Variants in MED16 observed in about 807,000 individuals in gnomAD.
MED16 encodes the protein mediator complex subunit 16.
Under a neutral mutation model 84.4 loss-of-function variants are expected in MED16, and 81 were observed. The observed-to-expected ratio is 0.96, with a 90% CI of 0.80 to 1.15. The LOEUF (loss-of-function observed/expected upper bound fraction) is 1.15. Ranked by LOEUF, MED16 falls within the 50% of genes most tolerant of loss-of-function variation. The pLI, the probability that MED16 is intolerant of heterozygous loss-of-function variation, is 0.00. For missense variants in MED16, 1,585 were observed against 1,245.9 expected, an observed-to-expected ratio of 1.27 and a Z score of -4.10; for synonymous variants, 897 against 552.2, an observed-to-expected ratio of 1.62 and a Z score of -8.76.
At position 877,039 on chromosome 19, in the gene MED16, T is replaced by C. The variant is rs766535778; in HGVS notation, c.1495A>G (p.Met499Val). The C allele has an allele frequency of 6.2e-7, 1 of 1,612,556 alleles. No individual in the cohort carries two copies. Among genetic ancestry groups the C allele is most frequent in the African/African-American group, 1.3e-5 (1 of 75,034 alleles). ...WDILLHVQPSMVQSLVEKLHE... is the reference protein window; with the variant it reads ...WDILLHVQPSVVQSLVEKLHE... The stretch of plus-strand genomic sequence containing the variant: ...AGCTTCTCCACCAGGCTCTGTACCA[T>C]ACTGGGCTGCACGTGCAGCAGGATG... The change falls in exon 9 of 16, where the codon ATG (methionine) becomes GTG (valine). Residue 499 changes from methionine to valine, a missense_variant. Physicochemically the swap from Met to Val is conservative, Grantham distance 21 (BLOSUM62 1). Coordinates refer to ENST00000325464, the MANE Select transcript of MED16 (RefSeq NM_005481.3).
chr19:879,815 A>G (rs2036372571), intron 8 of MED16, 122 bp downstream of exon 8: 2 of 1,167,368 alleles, frequency 1.7e-6, no homozygotes, highest in Non-Finnish European at 2.5e-6. Flanking sequence ...GTCAATCCCC[A>G]CCAGGGCCAG....
intron 2 of MED16, among the ~76,000 whole-genome samples, chr19:890,723 C>T (rs1037788882): frequency 6.6e-6 from 1 of 152,196 alleles, no homozygotes; most frequent in African/African-American, 2.4e-5. Flanking sequence ...ACGCTCCAGC[C>T]CGATTCGATC....
Position 870,433 on chromosome 19 carries a change from T to G in MED16, c.2315+604A>C, listed in dbSNP as rs544375265. On this transcript the variant is annotated intron_variant, in intron 13 of 15. Coordinates refer to ENST00000325464, the MANE Select transcript of MED16 (RefSeq NM_005481.3). The stretch of plus-strand genomic sequence containing the variant: ...AAAAATACCTAGGTGTGGTGGCTCA[T>G]GCCTGTAATCCCAGCTACTGGGAAG... 1.4e-4 allele frequency among the ~76,000 whole-genome samples: 21 copies of G among 152,166 alleles called. 1 individual carries two copies. The South Asian group carries it at 4.4e-3, about 32-fold the overall frequency.
intron 10 of MED16, 64 bp downstream of exon 10, chr19:875,179 AT>A (rs1371692511): frequency 1.2e-5 from 14 of 1,148,198 alleles, no homozygotes; most frequent in East Asian, 5.5e-5. Context: ...AGTAAAAAAA[AT>A]AAATAAAAAT....
chr19:875,930 A>C (rs1274512026), intron 9 of MED16, among the ~76,000 whole-genome samples: 1 of 152,180 alleles, frequency 6.6e-6, no homozygotes, highest in Admixed American at 6.5e-5. Context: ...TGTGCAACGT[A>C]GGACACCCCA....
chr19:880,647 C>T (rs1018995584), intron 7 of MED16, among the ~76,000 whole-genome samples: 12 of 152,214 alleles, frequency 7.9e-5, no homozygotes, highest in Admixed American at 6.5e-4. Context: ...AAGCCGGGCG[C>T]GGTGGCTCAC....
At chr19:873,840 G>A (rs1423117618) in intron 10 of MED16, among the ~76,000 whole-genome samples, 2 of 152,154 alleles carry the variant, frequency 1.3e-5, no homozygotes, top group Non-Finnish European at 2.9e-5. Context: ...GCGTGGGCAG[G>A]TCCCCATGCC....
At chr19:882,612 C>T (rs756603391) in intron 6 of MED16, among the ~76,000 whole-genome samples, 4 of 152,318 alleles carry the variant, frequency 2.6e-5, no homozygotes, top group South Asian at 2.1e-4. Flanking sequence ...CAGCTGGAGC[C>T]GGCCTGCTGG....
rs142533778 is a variant in MED16 at position 882,437 on chromosome 19, T to C, written c.986-723A>G. Among the ~76,000 whole-genome samples, 706 of 152,116 alleles carry C rather than the reference T, an allele frequency of 4.6e-3. 6 individuals are homozygous for C. Among genetic ancestry groups the C allele is most frequent in the African/African-American group, 0.017 (684 of 41,442 alleles). ...AGCTACTCAGGAGGCTGAGGTAGGATTGCTCGAGCCCAGGAAGATGAGGCT... is the reference window on the plus strand; with the variant it reads ...AGCTACTCAGGAGGCTGAGGTAGGACTGCTCGAGCCCAGGAAGATGAGGCT... On this transcript the variant is annotated intron_variant, in intron 6 of 15. Transcript: ENST00000325464.
chr19:875,035 G>C (rs374465962), intron 10 of MED16, among the ~76,000 whole-genome samples: 1 of 151,984 alleles, frequency 6.6e-6, no homozygotes, highest in Admixed American at 6.6e-5. Flanking sequence ...GTGGTGGCAC[G>C]TGCCTGTAAT....
chr19:882,819 T>G (rs928505044), intron 6 of MED16, among the ~76,000 whole-genome samples: 8 of 152,222 alleles, frequency 5.3e-5, no homozygotes, highest in African/African-American at 1.9e-4. Flanking sequence ...ACCCGCATCA[T>G]GAGGTCTCTG....
intron 8 of MED16, among the ~76,000 whole-genome samples, chr19:878,568 A>ACGTGGGGCTGGGGCTGGTGG (rs2036326366): frequency 1.8e-5 from 1 of 55,484 alleles, no homozygotes. Flanking sequence ...CCCCAGCCCC[A>ACGTGGGGCTGGGGCTGGTGG]GCCCCACATG....
rs1225509985 is a variant in MED16 at position 891,132 on chromosome 19, G to A, written c.-1C>T. ...CCGCTGGCCGCCGCAAATCACACAT[G>A]AGGGCAGTCACCAGCTCCTGCGGGA... is the stretch of plus-strand genomic sequence containing the variant. On this transcript the variant is annotated 5_prime_UTR_variant, in exon 2 of 16. Coordinates refer to ENST00000325464, the MANE Select transcript of MED16 (RefSeq NM_005481.3). 2.5e-6 allele frequency: 4 copies of A among 1,611,742 alleles called. No homozygotes were observed. The highest frequency in any genetic ancestry group is 3.4e-6 in the Non-Finnish European group (4 of 1,178,776).
chr19:891,616 CGAGGCGGGGCT>C (rs2145261858), intron 1 of MED16, among the ~76,000 whole-genome samples: 1 of 150,860 alleles, frequency 6.6e-6, no homozygotes, highest in African/African-American at 2.4e-5. Context: ...CACCTGTGGC[CGAGGCGGGGCT>C]GAGTGACAGG....
Position 881,694 on chromosome 19 carries a change from T to C in MED16, c.1006A>G (p.Ile336Val), listed in dbSNP as rs2036425634. The change falls in exon 7 of 16, where the codon ATT becomes GTT. Residue 336 changes from isoleucine (I) to valine (V), a missense_variant. Ile to Val is a conservative substitution (Grantham distance 29). Transcript: ENST00000325464. ...GCCGATAGGATCCGCCATTTGAGAA[T>C]TGTGGGCTGTTTGTCGCCAACTGAA... ...SPVVGDKQPT[I>V]LKWRILSATN... The C allele has an allele frequency of 1.9e-6, 3 of 1,610,490 alleles. No homozygotes were observed. The highest frequency in any genetic ancestry group is 1.3e-5 in the African/African-American group (1 of 74,948).
rs756532217 is a variant in MED16 at position 873,545 on chromosome 19, T to C, written c.1809A>G (p.Glu603=). ...GCAGTGTGTTCATGTCCAGCACAAATTCCTCCGTCTTGAGGTTGATCATGA... is the reference window on the plus strand; with the variant it reads ...GCAGTGTGTTCATGTCCAGCACAAACTCCTCCGTCTTGAGGTTGATCATGA... ...DKVMINLKTE[E]FVLDMNTLQA... Residue 603 remains glutamate, a synonymous_variant, in exon 11 of 16, where the codon GAA becomes GAG. Transcript: ENST00000325464. 3 of 1,612,280 alleles carry C rather than the reference T, an allele frequency of 1.9e-6. No individual in the cohort carries two copies. The highest frequency in any genetic ancestry group is 2.2e-5 in the East Asian group (1 of 44,866).
At chr19:873,621 G>C (rs769177395) in intron 10 of MED16, 39 bp from the exon 11 acceptor site, 4 of 1,607,828 alleles carry the variant, frequency 2.5e-6, no homozygotes, top group Non-Finnish European at 3.4e-6. Flanking sequence ...CGGGCCTCTT[G>C]TACACACAGG....
chr19:869,904 C>A (rs766087359), intron 13 of MED16, among the ~76,000 whole-genome samples: 12 of 152,214 alleles, frequency 7.9e-5, no homozygotes, highest in Non-Finnish European at 1.6e-4. Flanking sequence ...CGCGTGACCC[C>A]AGATGAGTGG....
At chr19:876,056 A>G (rs1373383103) in intron 9 of MED16, among the ~76,000 whole-genome samples, 1 of 152,226 alleles carries the variant, frequency 6.6e-6, no homozygotes, top group East Asian at 1.9e-4. Flanking sequence ...CTGGCTACGG[A>G]TCCCAGCCAC....
Sources: gnomAD v4.1 joint callset for allele counts (sites outside exome capture counted in the v4.1 genomes callset) on GRCh38, gnomAD v4.1.1 for gene constraint, MANE v1.5 for transcripts, NCBI Gene and HGNC (gene_info 2026-07-23, HGNC 2026-07-21) for gene names.